FAF1: variants seen among roughly 807,000 people sequenced by gnomAD.
FAF1 encodes FAS-associated factor 1.
In FAF1, 25 loss-of-function variants were observed where a neutral mutation model predicts 92.5. That is an observed-to-expected ratio of 0.27 (90% CI 0.20 to 0.38). The LOEUF (loss-of-function observed/expected upper bound fraction) is 0.38, where lower values mean the gene tolerates loss of function less well. Ranked by LOEUF, FAF1 falls within the 10% of genes least tolerant of loss-of-function variation. FAF1 has a pLI of 1.00. For synonymous variants in FAF1, 234 were observed against 273.2 expected (o/e 0.86, Z 1.42); for missense variants, 636 against 793.3 (o/e 0.80, Z 2.38).
intron 4 of FAF1, among the ~76,000 whole-genome samples, chr1:50,774,698 A>G (rs1314906489): frequency 1.3e-5 from 2 of 152,168 alleles, no homozygotes; most frequent in African/African-American, 4.8e-5. Flanking sequence ...CTGATTTAAC[A>G]AACTTTATTA....
At chr1:50,955,181 A>G (rs1326869000) in intron 1 of FAF1, among the ~76,000 whole-genome samples, 1 of 152,252 alleles carries the variant, frequency 6.6e-6, no homozygotes, top group Non-Finnish European at 1.5e-5. Flanking sequence ...TTCAGCCTAA[A>G]AAAAAGTTAA....
At chr1:50,891,350 C>G (rs1358384901) in intron 1 of FAF1, among the ~76,000 whole-genome samples, 2 of 152,194 alleles carry the variant, frequency 1.3e-5, no homozygotes, top group Non-Finnish European at 2.9e-5. Context: ...AAGCCTTCTT[C>G]TCTCAACTCT....
chr1:50,608,931 G>C (rs1184744808), intron 8 of FAF1, among the ~76,000 whole-genome samples: 2 of 152,114 alleles, frequency 1.3e-5, no homozygotes, highest in African/African-American at 4.8e-5. Context: ...TTGTTGTGAA[G>C]ATTCAAGAGT....
intron 18 of FAF1, among the ~76,000 whole-genome samples, chr1:50,460,599 A>ATG (rs1275351491): frequency 2.0e-5 from 3 of 151,422 alleles, no homozygotes; most frequent in African/African-American, 2.4e-5. Flanking sequence ...GTATGTATAT[A>ATG]TATGTGTGTG....
At position 50,639,484 on chromosome 1, in the gene FAF1, T is replaced by C. The variant is rs191768932; in HGVS notation, c.744+15958A>G. The stretch of plus-strand genomic sequence containing the variant: ...GACCTTATTCACCTGATTGTATATG[T>C]TTTCTTAGTTTTGTTAATGAAATTA... On this transcript the variant is annotated intron_variant, in intron 8 of 18. Coordinates refer to ENST00000396153, the MANE Select transcript of FAF1 (RefSeq NM_007051.3). Among the ~76,000 whole-genome samples, 644 of 152,334 alleles carry C rather than the reference T, an allele frequency of 4.2e-3. 2 individuals carry two copies. The highest frequency in any genetic ancestry group is 6.8e-3 in the Middle Eastern group (2 of 294).
intron 1 of FAF1, among the ~76,000 whole-genome samples, chr1:50,887,232 T>A (rs1644673967): frequency 6.6e-6 from 1 of 152,176 alleles, no homozygotes; most frequent in Non-Finnish European, 1.5e-5. Flanking sequence ...GGGTTGTTGT[T>A]TTCTTGTAAA....
At chr1:50,567,006 T>C in intron 13 of FAF1, 71 bp downstream of exon 13, 3 of 1,188,662 alleles carry the variant, frequency 2.5e-6, no homozygotes, top group Non-Finnish European at 3.4e-6. Flanking sequence ...AAAATGTTTA[T>C]GATGATGATA....
At chr1:50,594,314 C>CAA (rs57900829) in intron 9 of FAF1, among the ~76,000 whole-genome samples, 44 of 81,222 alleles carry the variant, frequency 5.4e-4, no homozygotes, top group African/African-American at 1.5e-3. Flanking sequence ...GATCCTGTCT[C>CAA]AAAAAAAAAA....
chr1:50,699,006 A>G (rs1019278566), intron 7 of FAF1, among the ~76,000 whole-genome samples: 2 of 152,084 alleles, frequency 1.3e-5, no homozygotes, highest in Admixed American at 6.6e-5. Context: ...CTTTAAGAAG[A>G]CTATGAAACA....
chr1:50,782,944 T>C (rs1032169091), intron 4 of FAF1, among the ~76,000 whole-genome samples: 37 of 152,040 alleles, frequency 2.4e-4, no homozygotes, highest in African/African-American at 8.0e-4. Context: ...CATATTTTAA[T>C]ATACAGAAAT....
intron 6 of FAF1, among the ~76,000 whole-genome samples, chr1:50,712,880 G>A (rs1288439430): frequency 2.6e-5 from 4 of 151,154 alleles, no homozygotes; most frequent in Non-Finnish European, 5.9e-5. Flanking sequence ...CCTTCAAGTT[G>A]GGGGGGCGCT....
intron 7 of FAF1, among the ~76,000 whole-genome samples, chr1:50,683,761 C>T (rs980076565): frequency 2.6e-5 from 4 of 151,550 alleles, no homozygotes; most frequent in African/African-American, 9.7e-5. Context: ...GGAGAAACCC[C>T]GTCTCTACTA....
chr1:50,660,644 C>T (rs1228443596), intron 7 of FAF1, among the ~76,000 whole-genome samples: 1 of 152,018 alleles, frequency 6.6e-6, no homozygotes, highest in African/African-American at 2.4e-5. Context: ...CAGGAGTGTG[C>T]CACCACACCT....
At chr1:50,547,063 A>ATT (rs35559371) in intron 13 of FAF1, among the ~76,000 whole-genome samples, 6 of 145,298 alleles carry the variant, frequency 4.1e-5, no homozygotes, top group Non-Finnish European at 7.6e-5. Flanking sequence ...TAATTTTCGT[A>ATT]TTTTTTTTTT....
chr1:50,930,273 G>A (rs1014735241), intron 1 of FAF1, among the ~76,000 whole-genome samples: 22 of 152,182 alleles, frequency 1.4e-4, no homozygotes, highest in Admixed American at 3.3e-4. Flanking sequence ...GGCATAATGA[G>A]CTAAGCAGGT....
intron 2 of FAF1, among the ~76,000 whole-genome samples, chr1:50,827,195 A>G (rs1378069735): frequency 6.6e-6 from 1 of 151,926 alleles, no homozygotes; most frequent in Admixed American, 6.6e-5. Context: ...GAAAAGGGGG[A>G]AATGTGGGGA....
intron 9 of FAF1, among the ~76,000 whole-genome samples, chr1:50,588,326 T>G (rs1389417579): frequency 6.6e-6 from 1 of 152,238 alleles, no homozygotes; most frequent in Non-Finnish European, 1.5e-5. Flanking sequence ...AAACTATTTG[T>G]CAGGCAATTC....
At chr1:50,903,973 A>C (rs534286492) in intron 1 of FAF1, among the ~76,000 whole-genome samples, 1 of 152,296 alleles carries the variant, frequency 6.6e-6, no homozygotes, top group South Asian at 2.1e-4. Flanking sequence ...GCCCTCAAAA[A>C]ATTAAATTTA....
intron 10 of FAF1, among the ~76,000 whole-genome samples, chr1:50,584,233 T>A (rs917211420): frequency 2.0e-5 from 3 of 152,134 alleles, no homozygotes; most frequent in African/African-American, 7.2e-5. Flanking sequence ...ATAGTACACA[T>A]CTTGTAAGTG....
Sources: gnomAD v4.1 joint callset for allele counts (sites outside exome capture counted in the v4.1 genomes callset) on GRCh38, gnomAD v4.1.1 for gene constraint, MANE v1.5 for transcripts, NCBI Gene and HGNC (gene_info 2026-07-23, HGNC 2026-07-21) for gene names.